TFEC: variants seen among roughly 807,000 people sequenced by gnomAD.
The protein encoded by TFEC is transcription factor EC, also known as class E basic helix-loop-helix protein 34.
TFEC carries 31 observed loss-of-function variants against 41.6 expected under a neutral mutation model. The observed-to-expected ratio is 0.74, with a 90% CI of 0.56 to 1.01. The LOEUF (loss-of-function observed/expected upper bound fraction) is 1.01, where lower values mean the gene tolerates loss of function less well. TFEC is among the 50% of genes least tolerant of loss of function. TFEC has a pLI of 0.00. For synonymous variants in TFEC, 143 were observed against 140.6 expected (o/e 1.02, Z -0.12); for missense variants, 402 against 404.1 (o/e 0.99, Z 0.04).
intron 3 of TFEC, among the ~76,000 whole-genome samples, chr7:116,100,729 G>T (rs1047322749): frequency 3.9e-5 from 6 of 152,006 alleles, no homozygotes; most frequent in African/African-American, 1.5e-4. Context: ...CACAAGGGAG[G>T]GATTTTCTAC....
At chr7:115,999,491 A>G (rs1461961244) in intron 1 of TFEC, among the ~76,000 whole-genome samples, 1 of 151,970 alleles carries the variant, frequency 6.6e-6, no homozygotes, top group East Asian at 1.9e-4. Context: ...AGAAATAAAT[A>G]AAGTTTAAAT....
At chr7:116,016,251 G>A (rs1274017870) in intron 1 of TFEC, among the ~76,000 whole-genome samples, 1 of 152,134 alleles carries the variant, frequency 6.6e-6, no homozygotes, top group African/African-American at 2.4e-5. Context: ...AGGAGAATTA[G>A]TTCAGGGACT....
chr7:115,967,400 T>A (rs28495578), intron 3 of TFEC, among the ~76,000 whole-genome samples: 19,106 of 151,692 alleles, frequency 0.13, 1,305 homozygotes, highest in Middle Eastern at 0.18. Flanking sequence ...ACTTCATGTA[T>A]AAAGAGGATC....
At chr7:115,956,845 A>C (rs753788336) in intron 3 of TFEC, 52 bp from the exon 4 acceptor site, 2 of 1,180,318 alleles carry the variant, frequency 1.7e-6, no homozygotes, top group Admixed American at 2.2e-5. Flanking sequence ...GTGCAAATTG[A>C]TATATTTAGT....
intron 1 of TFEC, among the ~76,000 whole-genome samples, chr7:116,147,792 ATC>A (rs1054107552): frequency 3.3e-5 from 5 of 152,198 alleles, no homozygotes. Context: ...CTATGAAATT[ATC>A]TCTCATTCAA....
At chr7:116,050,249 G>A (rs2130952376) in intron 3 of TFEC, among the ~76,000 whole-genome samples, 1 of 152,132 alleles carries the variant, frequency 6.6e-6, no homozygotes. Context: ...GACTAATAAA[G>A]AAGAAAAGAG....
At chr7:116,048,096 C>T (rs567401285) in intron 3 of TFEC, among the ~76,000 whole-genome samples, 2 of 152,366 alleles carry the variant, frequency 1.3e-5, no homozygotes, top group East Asian at 3.9e-4. Context: ...CAAAGGAACA[C>T]AGCTCCTTGC....
In TFEC at chr7:116,116,313, G is replaced by A. The variant is rs115680847; in HGVS notation, c.-68-4275C>T. ...ATATGGGGGACATGATAGCTGTCTT[G>A]AAATATGTGATGAACTTTCATGTGA... On this transcript the variant is annotated intron_variant, in intron 1 of 8. Transcript: ENST00000484212. 4.7e-3 allele frequency among the ~76,000 whole-genome samples: 712 copies of A among 152,008 alleles called. 4 individuals carry two copies. Among genetic ancestry groups the A allele is most frequent in the African/African-American group, 0.016 (673 of 41,522 alleles).
At chr7:116,089,978 T>A (rs1346928205) in intron 3 of TFEC, among the ~76,000 whole-genome samples, 1 of 152,010 alleles carries the variant, frequency 6.6e-6, no homozygotes, top group Non-Finnish European at 1.5e-5. Context: ...ATGCCTAACC[T>A]CACAGTGAGG....
intron 6 of TFEC, among the ~76,000 whole-genome samples, chr7:115,948,108 T>C (rs1228701975): frequency 6.6e-6 from 1 of 152,138 alleles, no homozygotes; most frequent in African/African-American, 2.4e-5. Flanking sequence ...AAGAAATGGA[T>C]AAATTCCTCG....
chr7:116,143,999 C>T (rs1283078024), intron 1 of TFEC, among the ~76,000 whole-genome samples: 2 of 152,050 alleles, frequency 1.3e-5, no homozygotes, highest in African/African-American at 4.8e-5. Context: ...GCAGGCAGAT[C>T]ACAAGGTCAG....
At chr7:115,990,946 G>T (rs533955113) in intron 1 of TFEC, among the ~76,000 whole-genome samples, 14 of 152,234 alleles carry the variant, frequency 9.2e-5, no homozygotes, top group African/African-American at 3.4e-4. Flanking sequence ...CGCCAAAGTT[G>T]AAATGAAGGA....
At chr7:116,127,424 T>C (rs1010386620) in intron 1 of TFEC, among the ~76,000 whole-genome samples, 37 of 152,202 alleles carry the variant, frequency 2.4e-4, no homozygotes, top group Non-Finnish European at 2.2e-4. Flanking sequence ...TCGTGTCGTT[T>C]AGTTGATGAG....
At chr7:116,150,246 A>C (rs915176178) in intron 1 of TFEC, among the ~76,000 whole-genome samples, 1 of 152,170 alleles carries the variant, frequency 6.6e-6, no homozygotes, top group African/African-American at 2.4e-5. Flanking sequence ...TGTTAATCAG[A>C]AGGCCTTACT....
chr7:116,093,992 A>G (rs1231889987), intron 3 of TFEC, among the ~76,000 whole-genome samples: 1 of 152,214 alleles, frequency 6.6e-6, no homozygotes, highest in Non-Finnish European at 1.5e-5. Flanking sequence ...ACAAATTTGA[A>G]AGAACTTATA....
chr7:116,052,813 T>A (rs1420693312), intron 3 of TFEC, among the ~76,000 whole-genome samples: 4 of 148,090 alleles, frequency 2.7e-5, no homozygotes, highest in Non-Finnish European at 4.5e-5. Flanking sequence ...CTCACGCCTG[T>A]AATCCCAGCA....
At chr7:116,131,325 C>A (rs1798328198) in intron 1 of TFEC, among the ~76,000 whole-genome samples, 1 of 152,102 alleles carries the variant, frequency 6.6e-6, no homozygotes, top group Non-Finnish European at 1.5e-5. Context: ...GCACAAAGAC[C>A]AGCCACTGTA....
upstream of TFEC, among the ~76,000 whole-genome samples, chr7:116,032,302 T>C (rs560149226): frequency 2.0e-5 from 3 of 152,204 alleles, no homozygotes; most frequent in South Asian, 2.1e-4. Context: ...AAACCAGAAA[T>C]ACCATTCAAC....
intron 1 of TFEC, among the ~76,000 whole-genome samples, chr7:116,142,167 A>C (rs1798554108): frequency 6.6e-6 from 1 of 152,198 alleles, no homozygotes; most frequent in Non-Finnish European, 1.5e-5. Context: ...TTACCTATAC[A>C]GCTAGAAGAA....
Sources: allele counts gnomAD v4.1 joint callset (sites outside exome capture counted in the v4.1 genomes callset), GRCh38; gene constraint gnomAD v4.1.1; transcripts MANE v1.5; gene names NCBI Gene and HGNC (gene_info 2026-07-23, HGNC 2026-07-21).